Variants in SH3KBP1 observed in about 807,000 individuals in gnomAD.
The protein encoded by SH3KBP1 is SH3 domain containing kinase binding protein 1, also known as SH3 domain-containing kinase-binding protein 1.
In SH3KBP1, 8 loss-of-function variants were observed where a neutral mutation model predicts 50.1. The observed-to-expected ratio is 0.16, with a 90% confidence interval of 0.09 to 0.29. SH3KBP1 has a LOEUF of 0.29. Among genes scored for constraint, SH3KBP1 ranks in the 10% least tolerant of loss-of-function variants. The pLI is 1.00. For synonymous variants in SH3KBP1, 227 were observed against 218.6 expected (o/e 1.04, Z -0.34); for missense variants, 377 against 535.2 (o/e 0.70, Z 2.92).
intron 1 of SH3KBP1, among the ~76,000 whole-genome samples, chrX:19,871,363 A>AT (rs2069036561): frequency 8.9e-6 from 1 of 112,641 alleles, no homozygotes; most frequent in African/African-American, 3.2e-5. Flanking sequence ...ATTTAATTGA[A>AT]TTCCAATACA....
intron 6 of SH3KBP1, among the ~76,000 whole-genome samples, chrX:19,681,079 C>T (rs899623477): frequency 9.0e-6 from 1 of 111,115 alleles, no homozygotes; most frequent in Non-Finnish European, 1.9e-5. Flanking sequence ...CAGAATGCAT[C>T]CAGGTTGAGC....
intron 2 of SH3KBP1, among the ~76,000 whole-genome samples, chrX:19,812,674 A>G (rs1184782247): frequency 9.3e-6 from 1 of 107,260 alleles, no homozygotes; most frequent in Non-Finnish European, 1.9e-5. Context: ...ACAAAAAAAA[A>G]AAAAAAAAAA....
At chrX:19,651,129 T>A (rs1025274534) in intron 6 of SH3KBP1, among the ~76,000 whole-genome samples, 4 of 108,361 alleles carry the variant, frequency 3.7e-5, no homozygotes, top group African/African-American at 1.0e-4. Flanking sequence ...CGGTGAGGAG[T>A]GGTAGGCACA....
At chrX:19,853,210 A>G (rs2068557545) in intron 1 of SH3KBP1, among the ~76,000 whole-genome samples, 1 of 112,795 alleles carries the variant, frequency 8.9e-6, no homozygotes, top group Non-Finnish European at 1.9e-5. Flanking sequence ...AGAGAAGTAA[A>G]TGGAAGCATT....
In SH3KBP1 at chrX:19,583,593, G is replaced by C. The variant is rs1028896560; in HGVS notation, c.1298+5050C>G. 6.3e-5 allele frequency among the ~76,000 whole-genome samples: 7 copies of C among 110,594 alleles called. No individual in the cohort carries two copies. The East Asian group carries it at 2.0e-3, about 31-fold the overall frequency. On this transcript the variant is annotated intron_variant, in intron 12 of 17. Coordinates refer to ENST00000397821, the MANE Select transcript of SH3KBP1 (RefSeq NM_031892.3). ...GTCAAGTATATTACTATCTGAGGAAGGGAGCGATCACTGTAAGAGCCTTCA... is the reference window on the plus strand; with the variant it reads ...GTCAAGTATATTACTATCTGAGGAACGGAGCGATCACTGTAAGAGCCTTCA...
chrX:19,661,426 A>T (rs1209972208), intron 6 of SH3KBP1, among the ~76,000 whole-genome samples: 1 of 111,519 alleles, frequency 9.0e-6, no homozygotes, highest in African/African-American at 3.3e-5. Flanking sequence ...TGTGGAAAAA[A>T]TTATGTGTGT....
chrX:19,553,523 G>A (rs1194056329), intron 13 of SH3KBP1, among the ~76,000 whole-genome samples: 2 of 110,618 alleles, frequency 1.8e-5, no homozygotes, highest in Non-Finnish European at 3.8e-5. Context: ...TGTCAATAAA[G>A]GAACAAGCGA....
chrX:19,694,784 A>G (rs187739856), intron 5 of SH3KBP1, among the ~76,000 whole-genome samples: 3 of 111,931 alleles, frequency 2.7e-5, no homozygotes, highest in Non-Finnish European at 3.8e-5. Flanking sequence ...GGTTTTTCCA[A>G]ATGAAAAAGG....
chrX:19,682,747 T>G (rs2063083486), intron 6 of SH3KBP1, among the ~76,000 whole-genome samples: 1 of 110,201 alleles, frequency 9.1e-6, no homozygotes, highest in African/African-American at 3.3e-5. Flanking sequence ...CTGACTCATC[T>G]CTAGAGGGAT....
In SH3KBP1 at chrX:19,766,483, C is replaced by CTTTTTT. The variant is rs61439964; in HGVS notation, c.163-20048_163-20043dup. ...TGCACTTTGAGTCTGTTGATTGCAT[C>CTTTTTT]TTTTTTTTTTTTTTTTTTTTTTTTT... On this transcript the variant is annotated intron_variant, in intron 2 of 17. Transcript: ENST00000397821. Among the ~76,000 whole-genome samples the CTTTTTT allele has an allele frequency of 2.0e-3, 46 of 22,589 alleles. 18 individuals carry two copies. The highest frequency in any genetic ancestry group is 5.3e-3 in the African/African-American group (31 of 5,879). The allele number at this position is 22,589 out of a possible 115,157, so 19.6% of individuals were successfully genotyped here.
chrX:19,638,120 A>C (rs2061755334), intron 7 of SH3KBP1, among the ~76,000 whole-genome samples: 1 of 99,894 alleles, frequency 1.0e-5, no homozygotes, highest in African/African-American at 3.7e-5. Flanking sequence ...CAAACAAAAA[A>C]AAACAAAAGG....
At chrX:19,559,675 C>T (rs1027319410) in intron 13 of SH3KBP1, among the ~76,000 whole-genome samples, 19 of 111,166 alleles carry the variant, frequency 1.7e-4, no homozygotes, top group African/African-American at 5.9e-4. Flanking sequence ...TCTCTGAACT[C>T]CTTGCAAATT....
At chrX:19,719,849 CTAA>C (rs59706273) in intron 3 of SH3KBP1, among the ~76,000 whole-genome samples, 6,292 of 100,543 alleles carry the variant, frequency 0.063, 478 homozygotes, top group African/African-American at 0.2. Context: ...CCACCTCTAA[CTAA>C]TAATAATAAT....
At chrX:19,735,724 C>CGG (rs1175892426) in intron 3 of SH3KBP1, among the ~76,000 whole-genome samples, 212 of 8,595 alleles carry the variant, frequency 0.025, 8 homozygotes, top group Non-Finnish European at 0.033. Context: ...TTTTTTTTGG[C>CGG]GGGGGGGGGG....
At chrX:19,586,289 C>A (rs1166635516) in intron 12 of SH3KBP1, among the ~76,000 whole-genome samples, 1 of 111,888 alleles carries the variant, frequency 8.9e-6, no homozygotes, top group East Asian at 2.8e-4. Flanking sequence ...AATTCCACTT[C>A]TCTTCAATCA....
intron 2 of SH3KBP1, chrX:19,747,680 G>C: frequency 2.9e-6 from 1 of 342,409 alleles, no homozygotes; most frequent in Non-Finnish European, 5.9e-6. Context: ...CAATTCCCCA[G>C]TTGCTGCCTC....
intron 8 of SH3KBP1, among the ~76,000 whole-genome samples, chrX:19,614,836 C>T (rs1211487816): frequency 1.8e-5 from 2 of 111,997 alleles, no homozygotes; most frequent in African/African-American, 6.5e-5. Context: ...TTCCTGAAAA[C>T]GATAAGCTCC....
intron 1 of SH3KBP1, among the ~76,000 whole-genome samples, chrX:19,850,503 A>C (rs1351067148): frequency 9.0e-6 from 1 of 111,699 alleles, no homozygotes; most frequent in African/African-American, 3.3e-5. Flanking sequence ...AAAATGAGTA[A>C]GTAGCACAAT....
chrX:19,774,605 A>G (rs1258252979), intron 2 of SH3KBP1, among the ~76,000 whole-genome samples: 1 of 106,156 alleles, frequency 9.4e-6, no homozygotes, highest in African/African-American at 3.4e-5. Context: ...CAGGAGGCGG[A>G]GCTTACAGTG....
Sources: allele counts gnomAD v4.1 joint callset (sites outside exome capture counted in the v4.1 genomes callset), GRCh38; gene constraint gnomAD v4.1.1; transcripts MANE v1.5; gene names NCBI Gene and HGNC (gene_info 2026-07-23, HGNC 2026-07-21).